MS4A4E: variants seen among roughly 807,000 people sequenced by gnomAD.
The protein encoded by MS4A4E is putative membrane-spanning 4-domains subfamily A member 4E.
In MS4A4E, 23 loss-of-function variants were observed where a neutral mutation model predicts 13.3. That is an observed-to-expected ratio of 1.73 (90% confidence interval 1.25 to 2.45). The LOEUF (loss-of-function observed/expected upper bound fraction) is 2.45, where lower values mean the gene tolerates loss of function less well. Ranked by LOEUF, MS4A4E falls within the 30% of genes most tolerant of loss-of-function variation. The pLI is 0.00. For missense variants in MS4A4E, 144 were observed against 131.2 expected, an observed-to-expected ratio of 1.10 and a Z score of -0.48; for synonymous variants, 36 against 45.6, an observed-to-expected ratio of 0.79 and a Z score of 0.85.
chr11:60,224,880 T>A, intron 3 of MS4A4E: 4 of 1,170,554 alleles, frequency 3.4e-6, no homozygotes, highest in Non-Finnish European at 4.4e-6. Flanking sequence ...AATTACAAGA[T>A]AGAATTAGAA....
At chr11:60,232,893 A>T (rs1191752846) in intron 1 of MS4A4E, among the ~76,000 whole-genome samples, 1 of 152,024 alleles carries the variant, frequency 6.6e-6, no homozygotes, top group Non-Finnish European at 1.5e-5. Context: ...GCTCCCATGG[A>T]ACTGCTCCAT....
At chr11:60,234,974 C>A (rs1336934773) in intron 1 of MS4A4E, among the ~76,000 whole-genome samples, 2 of 151,732 alleles carry the variant, frequency 1.3e-5, no homozygotes, top group Admixed American at 6.6e-5. Flanking sequence ...ATACTCCATG[C>A]AAATAGTAGT....
rs1001551811 is a variant in MS4A4E, at chr11:60,242,938, A to T, written c.-17+20T>A. 1.3e-6 allele frequency: 2 copies of T among 1,549,838 alleles called. No individual in the cohort carries two copies. The highest frequency in any genetic ancestry group is 4.6e-5 in the East Asian group (2 of 43,934). On this transcript the variant is annotated intron_variant, in intron 1 of 8. Coordinates refer to ENST00000651255, the MANE Select transcript of MS4A4E (RefSeq NM_001393391.1). ...AAACTATCAGTCCGAGAGCCTAGGA[A>T]GGCAAGTCCCTGGACCTACCTTTCT... is the stretch of plus-strand genomic sequence containing the variant.
At position 60,229,961 on chromosome 11, in the gene MS4A4E, C is replaced by T. The variant is rs749686890; in HGVS notation, c.95G>A (p.Cys32Tyr). 3.1e-6 allele frequency: 5 copies of T among 1,613,484 alleles called. No individual in the cohort carries two copies. Among genetic ancestry groups the T allele is most frequent in the Non-Finnish European group, 4.2e-6 (5 of 1,179,714 alleles). Residue 32 changes from cysteine (C) to tyrosine (Y), a missense_variant, in exon 2 of 9, where the codon TGT becomes TAT. This residue lies in a region of MS4A4E where 119 missense variants were observed against 88.7 expected (regional missense o/e 1.34). Transcript: ENST00000651255. The stretch of plus-strand genomic sequence containing the variant: ...GAAGAACTTCTCTTGCAATCCTTTA[C>T]ACAGATATGAATGTATGACATCTAT... ...GNIDVIHSYL[C>Y]KGLQEKFFKR...
intron 1 of MS4A4E, among the ~76,000 whole-genome samples, chr11:60,233,321 C>A (rs186166491): frequency 2.0e-5 from 3 of 152,250 alleles, no homozygotes; most frequent in Non-Finnish European, 2.9e-5. Context: ...TCAACAGTAA[C>A]CTGCTCCCCA....
intron 3 of MS4A4E, among the ~76,000 whole-genome samples, chr11:60,224,369 A>C (rs373975124): frequency 6.6e-6 from 1 of 152,228 alleles, no homozygotes; most frequent in East Asian, 1.9e-4. Flanking sequence ...CTATATTAGA[A>C]ACTGCCTGTT....
At chr11:60,228,701 G>A (rs2084372941) in intron 2 of MS4A4E, 74 bp from the exon 3 acceptor site, 5 of 675,798 alleles carry the variant, frequency 7.4e-6, no homozygotes, top group Admixed American at 6.5e-5. Flanking sequence ...TCCTTCTGTA[G>A]GTGAATGCAT....
At chr11:60,235,043 G>T (rs1192786155) in intron 1 of MS4A4E, among the ~76,000 whole-genome samples, 1 of 152,178 alleles carries the variant, frequency 6.6e-6, no homozygotes. Context: ...ATCAAAAACT[G>T]TCAAAAGAGG....
At chr11:60,234,172 A>T (rs1327012347) in intron 1 of MS4A4E, among the ~76,000 whole-genome samples, 2 of 152,200 alleles carry the variant, frequency 1.3e-5, no homozygotes, top group Non-Finnish European at 2.9e-5. Flanking sequence ...ACAGCTGGAA[A>T]CATTTGCCTC....
At chr11:60,242,867 T>A in intron 1 of MS4A4E, 91 bp downstream of exon 1, 1 of 944,442 alleles carries the variant, frequency 1.1e-6, no homozygotes, top group South Asian at 1.6e-5. Context: ...ACCTCATTTT[T>A]TTTTCTCACT....
Position 60,213,137 on chromosome 11 carries a change from A to G in MS4A4E, c.223-5T>C, listed in dbSNP as rs2084146633. ...CTTTCCTAGACTACCTCCAACCTAG[A>G]AAGAAATGAAAATTAATTAAGCAAT... On this transcript the variant is annotated splice_region_variant and splice_polypyrimidine_tract_variant and intron_variant, in intron 4 of 8. Transcript: ENST00000651255. The G allele has an allele frequency of 1.4e-6, 1 of 736,668 alleles. No homozygotes were observed. The highest frequency in any genetic ancestry group is 1.8e-5 in the African/African-American group (1 of 56,188). The allele number at this position is 736,668 out of a possible 1,614,324, so 45.6% of individuals were successfully genotyped here.
In MS4A4E at chr11:60,201,539, C is replaced by T. The variant is rs975713791; in HGVS notation, c.*4G>A. The T allele has an allele frequency of 3.3e-6, 1 of 302,652 alleles. No individual in the cohort carries two copies. Among genetic ancestry groups the T allele is most frequent in the East Asian group, 1.6e-4 (1 of 6,288 alleles). 18.7% of individuals were successfully genotyped at this position (302,652 alleles called of 1,614,324 possible). ...GGCGGTGGGGCAAAGGCGCTCCCCACATCTCAGAAGATGGGCGGCCGGGCG... is the reference window on the plus strand; with the variant it reads ...GGCGGTGGGGCAAAGGCGCTCCCCATATCTCAGAAGATGGGCGGCCGGGCG... On this transcript the variant is annotated 3_prime_UTR_variant, in exon 9 of 9. Transcript: ENST00000651255.
chr11:60,242,994 T>C lies in MS4A4E; in HGVS notation c.-53A>G, dbSNP rs1020907370. 154 of 1,582,002 alleles carry C rather than the reference T, an allele frequency of 9.7e-5. No homozygotes were observed. Among genetic ancestry groups the C allele is most frequent in the Middle Eastern group, 6.4e-4 (3 of 4,672 alleles). ...CCTGCAATGTCTGCTGCAGGTCTGA[T>C]GAGTGCAGGGCTCTGGGCAAGTTCC... On this transcript the variant is annotated 5_prime_UTR_variant, in exon 1 of 9. Coordinates refer to ENST00000651255, the MANE Select transcript of MS4A4E (RefSeq NM_001393391.1).
chr11:60,214,526 T>G (rs2134932138), intron 4 of MS4A4E, 45 bp downstream of exon 4: 1 of 1,365,232 alleles, frequency 7.3e-7, no homozygotes, highest in Non-Finnish European at 9.8e-7. Context: ...AATACATTAT[T>G]GATTAATCCT....
intron 3 of MS4A4E, among the ~76,000 whole-genome samples, chr11:60,221,209 G>A (rs984355080): frequency 4.0e-5 from 6 of 151,888 alleles, no homozygotes; most frequent in Admixed American, 6.6e-5. Flanking sequence ...GTCACCATGC[G>A]ACCTGAACTA....
chr11:60,201,673 A>G lies in MS4A4E; in HGVS notation c.866T>C (p.Leu289Pro), dbSNP rs549269691. 6.8e-4 allele frequency: 182 copies of G among 267,256 alleles called. 2 individuals are homozygous for G. Among genetic ancestry groups the G allele is most frequent in the South Asian group, 5.2e-3 (182 of 35,168 alleles). 16.6% of individuals were successfully genotyped at this position (267,256 alleles called of 1,614,324 possible). The change falls in exon 9 of 9, where the codon CTG (leucine) becomes CCG (proline). Residue 289 changes from leucine to proline, a missense_variant. Transcript: ENST00000651255. ...ACGCTCCTCACTTTCCAGACTGGGCAGCCAGGCAGAGGGGCTCCTCACGTC... is the reference window on the plus strand; with the variant it reads ...ACGCTCCTCACTTTCCAGACTGGGCGGCCAGGCAGAGGGGCTCCTCACGTC... ...VWDVRSPSAW[L>P]PSLESEERLC...
rs565457322 is a variant in MS4A4E, at chr11:60,220,908, G to T, written c.179-6294C>A. On this transcript the variant is annotated intron_variant, in intron 3 of 8. Transcript: ENST00000651255. ...CTGAAAGGCTTCCAGTTTTGAGTGG[G>T]GTCCAGGACAGGAGAAGGCTCTGCA... 3.9e-5 allele frequency among the ~76,000 whole-genome samples: 6 copies of T among 152,256 alleles called. No individual in the cohort carries two copies. The South Asian group carries it at 1.2e-3, about 32-fold the overall frequency.
chr11:60,207,706 T>C, intron 6 of MS4A4E, among the ~76,000 whole-genome samples: 1 of 152,228 alleles, frequency 6.6e-6, no homozygotes, highest in East Asian at 1.9e-4. Context: ...TTACTATCCA[T>C]TTCCTCATTC....
rs188488580 is a variant in MS4A4E, at chr11:60,203,837, G to A, written c.659+1053C>T. Among the ~76,000 whole-genome samples, 793 of 152,268 alleles carry A rather than the reference G, an allele frequency of 5.2e-3. 3 individuals are homozygous for A. The highest frequency in any genetic ancestry group is 7.7e-3 in the Non-Finnish European group (526 of 68,020). ...AAGTTTTCATGGACGTTTTCCTACT[G>A]CTTTACATCCTAATCACTTATAGAT... On this transcript the variant is annotated intron_variant, in intron 8 of 8. Transcript: ENST00000651255.
Sources: gnomAD v4.1 joint callset for allele counts (sites outside exome capture counted in the v4.1 genomes callset) on GRCh38, gnomAD v4.1.1 for gene constraint, gnomAD v4.1.1 regional missense constraint, MANE v1.5 for transcripts, NCBI Gene and HGNC (gene_info 2026-07-23, HGNC 2026-07-21) for gene names.